PDE3B: variants seen among roughly 807,000 people sequenced by gnomAD.
The protein encoded by PDE3B is phosphodiesterase 3B.
In PDE3B, 66 loss-of-function variants were observed where a neutral mutation model predicts 116.8. The observed-to-expected ratio is 0.56, with a 90% CI of 0.46 to 0.69. The LOEUF is 0.69. Among genes scored for constraint, PDE3B ranks in the 30% least tolerant of loss-of-function variants. The pLI, the probability that PDE3B is intolerant of heterozygous loss-of-function variation, is 0.00. For synonymous variants in PDE3B, 595 were observed against 533.6 expected (o/e 1.12, Z -1.59); for missense variants, 1,384 against 1,368.1 (o/e 1.01, Z -0.18).
At chr11:14,850,540 G>A (rs528700633) in intron 12 of PDE3B, among the ~76,000 whole-genome samples, 1 of 151,916 alleles carries the variant, frequency 6.6e-6, no homozygotes, top group Non-Finnish European at 1.5e-5. Flanking sequence ...TAGGCCCATT[G>A]TATGGCTAGA....
At chr11:14,844,632 C>A (rs1847550824) in intron 12 of PDE3B, among the ~76,000 whole-genome samples, 1 of 152,238 alleles carries the variant, frequency 6.6e-6, no homozygotes, top group African/African-American at 2.4e-5. Flanking sequence ...CACTCCCACC[C>A]CAGTACTACG....
In PDE3B at chr11:14,843,852, G is replaced by A. The variant is rs769448907; in HGVS notation, c.2346G>A (p.Gly782=). Residue 782 remains glycine (G), a synonymous_variant, in exon 12 of 16, where the codon GGG becomes GGA. Transcript: ENST00000282096. ...ETDSDGRINH[G]RIAYISSKSC... The stretch of plus-strand genomic sequence containing the variant: ...ATTCTGATGGTAGAATTAACCATGG[G>A]CGAATTGCTTATATTTCTTCGAAGA... 6 of 1,613,946 alleles carry A rather than the reference G, an allele frequency of 3.7e-6. No homozygotes were observed. The highest frequency in any genetic ancestry group is 5.1e-6 in the Non-Finnish European group (6 of 1,179,870).
At chr11:14,880,540 C>A in the PDE3B span, 1 of 1,613,434 alleles carries the variant, frequency 6.2e-7, no homozygotes, top group Non-Finnish European at 8.5e-7. Flanking sequence ...ATAAGTGAAT[C>A]GTTCTCCAAA....
chr11:14,760,828 A>T (rs1443279618), intron 1 of PDE3B, among the ~76,000 whole-genome samples: 1 of 152,196 alleles, frequency 6.6e-6, no homozygotes, highest in African/African-American at 2.4e-5. Context: ...GGTACATGTG[A>T]TATTTTAATA....
At chr11:14,835,570 T>C (rs1328268973) in intron 11 of PDE3B, among the ~76,000 whole-genome samples, 1 of 152,148 alleles carries the variant, frequency 6.6e-6, no homozygotes, top group East Asian at 1.9e-4. Flanking sequence ...TATAAACAAA[T>C]TTTGCTTCCA....
At chr11:14,766,153 G>A (rs1426121313) in intron 1 of PDE3B, among the ~76,000 whole-genome samples, 3 of 151,626 alleles carry the variant, frequency 2.0e-5, no homozygotes, top group African/African-American at 4.8e-5. Flanking sequence ...TTTTATATCA[G>A]TGTATATTTA....
chr11:14,797,078 A>G (rs1858579718), intron 4 of PDE3B, among the ~76,000 whole-genome samples: 1 of 152,234 alleles, frequency 6.6e-6, no homozygotes, highest in African/African-American at 2.4e-5. Flanking sequence ...AGTTTTCTGC[A>G]TATGGCTAGC....
intron 5 of PDE3B, among the ~76,000 whole-genome samples, chr11:14,809,406 GA>G (rs999382588): frequency 4.6e-5 from 7 of 152,308 alleles, no homozygotes; most frequent in Admixed American, 3.9e-4. Context: ...TCACAAAAGT[GA>G]AATGGAGTAG....
At position 14,818,213 on chromosome 11, in the gene PDE3B, C is replaced by A. The variant is rs772843176; in HGVS notation, c.1553C>A (p.Ser518Tyr). ...GVLSSLSPVNSSNHGPVSTGS... is the reference protein window; with the variant it reads ...GVLSSLSPVNYSNHGPVSTGS... ...TTGTCCAGTCTGAGTCCTGTGAATT[C>A]TTCCAACCATGGACCAGTGTCTACT... The change falls in exon 6 of 16, where the codon TCT becomes TAT. Residue 518 changes from serine (S) to tyrosine (Y), a missense_variant. Around this residue, in one of 2 missense-constraint regions of PDE3B, gnomAD observed 956 missense variants for 806.8 expected, o/e 1.18. Transcript: ENST00000282096. 4 of 1,613,068 alleles carry A rather than the reference C, an allele frequency of 2.5e-6. No individual in the cohort carries two copies. Among genetic ancestry groups the A allele is most frequent in the Non-Finnish European group, 3.4e-6 (4 of 1,179,324 alleles).
At chr11:14,721,529 G>A (rs906854075) in intron 1 of PDE3B, among the ~76,000 whole-genome samples, 4 of 151,722 alleles carry the variant, frequency 2.6e-5, no homozygotes, top group Admixed American at 6.5e-5. Flanking sequence ...CGACCCAAAT[G>A]TCCAACAATG....
At chr11:14,892,330 C>G in the PDE3B span, 1 of 908,930 alleles carries the variant, frequency 1.1e-6, no homozygotes, top group Non-Finnish European at 1.7e-6. Context: ...CATTGGCTGA[C>G]TGAGTGAGCG....
chr11:14,675,092 T>G (rs1207148461), intron 1 of PDE3B, among the ~76,000 whole-genome samples: 1 of 152,204 alleles, frequency 6.6e-6, no homozygotes, highest in African/African-American at 2.4e-5. Context: ...TTCCTTGTTA[T>G]CACATATTAG....
chr11:14,780,952 A>G (rs1046060061), intron 2 of PDE3B, among the ~76,000 whole-genome samples: 3 of 152,206 alleles, frequency 2.0e-5, no homozygotes, highest in Admixed American at 2.0e-4. Flanking sequence ...GAAGAATCAA[A>G]TAGACGTAAT....
intron 1 of PDE3B, among the ~76,000 whole-genome samples, chr11:14,755,185 CTG>C (rs1158695522): frequency 6.6e-6 from 1 of 152,186 alleles, no homozygotes; most frequent in Non-Finnish European, 1.5e-5. Flanking sequence ...TGTCAAGCCA[CTG>C]TATATGTCAC....
intron 1 of PDE3B, among the ~76,000 whole-genome samples, chr11:14,753,359 G>A (rs576132232): frequency 2.0e-5 from 3 of 152,052 alleles, no homozygotes; most frequent in African/African-American, 7.2e-5. Flanking sequence ...TTTTAATGTC[G>A]AAGTTAAATT....
intron 12 of PDE3B, among the ~76,000 whole-genome samples, chr11:14,855,410 A>G (rs1555006012): frequency 6.6e-6 from 1 of 152,232 alleles, no homozygotes; most frequent in East Asian, 1.9e-4. Context: ...CAAAAATTCA[A>G]CTGTCATTGT....
chr11:14,828,199 C>G (rs1859762045), intron 7 of PDE3B, among the ~76,000 whole-genome samples: 1 of 152,128 alleles, frequency 6.6e-6, no homozygotes, highest in Non-Finnish European at 1.5e-5. Context: ...AAATGTAAAA[C>G]CCAAAACTAT....
chr11:14,821,654 A>G (rs1859516829), intron 7 of PDE3B, among the ~76,000 whole-genome samples: 1 of 152,052 alleles, frequency 6.6e-6, no homozygotes, highest in Admixed American at 6.6e-5. Context: ...AATTTTTTTC[A>G]TTTGGAAAAA....
At chr11:14,874,099 A>T (rs1186876783), downstream of PDE3B, among the ~76,000 whole-genome samples, 5 of 152,220 alleles carry the variant, frequency 3.3e-5, no homozygotes, top group East Asian at 9.6e-4. Context: ...TATTGTAACT[A>T]TTATAAAGTC....
Sources: gnomAD v4.1 joint callset for allele counts (sites outside exome capture counted in the v4.1 genomes callset) on GRCh38, gnomAD v4.1.1 for gene constraint, gnomAD v4.1.1 regional missense constraint, MANE v1.5 for transcripts, NCBI Gene and HGNC (gene_info 2026-07-23, HGNC 2026-07-21) for gene names.